The following ISM2 variants were observed in gnomAD, a reference collection of about 807,000 sequenced individuals.
ISM2 encodes the protein isthmin 2.
In ISM2, 50 loss-of-function variants were observed where a neutral mutation model predicts 58.0. The ratio of observed to expected loss-of-function variants is 0.86; its 90% CI spans 0.69 to 1.09. The LOEUF (loss-of-function observed/expected upper bound fraction) is 1.09. Among genes scored for constraint, ISM2 ranks in the 50% least tolerant of loss-of-function variants. The pLI is 0.00. For missense variants in ISM2, 723 were observed against 745.0 expected (o/e 0.97, Z 0.34); for synonymous variants, 303 against 312.4 (o/e 0.97, Z 0.32).
At chr14:77,493,890 G>T (rs2139973188) in intron 1 of ISM2, among the ~76,000 whole-genome samples, 1 of 152,268 alleles carries the variant, frequency 6.6e-6, no homozygotes. Context: ...TCCTGCCTCA[G>T]CCTCCCGAGT....
chr14:77,476,640 C>G (rs2079100340), intron 6 of ISM2, among the ~76,000 whole-genome samples: 1 of 152,204 alleles, frequency 6.6e-6, no homozygotes, highest in South Asian at 2.1e-4. Context: ...CCCATCTCCA[C>G]CTCGGGAAAC....
chr14:77,492,551 G>A (rs2079212652), intron 1 of ISM2, among the ~76,000 whole-genome samples: 1 of 130,302 alleles, frequency 7.7e-6, no homozygotes, highest in Admixed American at 8.7e-5. Flanking sequence ...ACAGGGTCTT[G>A]CTCTGTTGCC....
intron 3 of ISM2, among the ~76,000 whole-genome samples, chr14:77,483,065 AG>A (rs1250815922): frequency 2.0e-5 from 3 of 152,170 alleles, no homozygotes; most frequent in African/African-American, 7.2e-5. Context: ...TCCTCATGGT[AG>A]GGCTGGAAGC....
intron 4 of ISM2, 103 bp from the exon 5 acceptor site, chr14:77,478,818 C>T: frequency 8.5e-7 from 1 of 1,183,300 alleles, no homozygotes; most frequent in Non-Finnish European, 1.2e-6. Flanking sequence ...GCAGCCCATG[C>T]CAGGGCTTCC....
intron 3 of ISM2, among the ~76,000 whole-genome samples, chr14:77,483,615 G>A (rs1376577693): frequency 1.3e-5 from 2 of 151,658 alleles, no homozygotes; most frequent in Non-Finnish European, 2.9e-5. Flanking sequence ...CTGCCTTCCA[G>A]TTTTTTGCGT....
chr14:77,483,809 T>C (rs2079148663), intron 3 of ISM2: 1 of 152,558 alleles, frequency 6.6e-6, no homozygotes. Context: ...GCAGAATTAT[T>C]ATCATGAAGG....
Position 77,475,705 on chromosome 14 carries a change from C to G in ISM2, c.1606G>C (p.Asp536His), listed in dbSNP as rs1206984282. Reference protein sequence around the residue: ...DTTPWILCKGDWSRLHAVLPP... With the variant: ...DTTPWILCKGHWSRLHAVLPP... ...AGCACAGCGTGGAGGCGGCTCCAGT[C>G]CCCCTTGCACAGGATCCAGGGCGTC... Residue 536 changes from aspartate (D) to histidine (H), a missense_variant, in exon 7 of 7, where the codon GAC (aspartate) becomes CAC (histidine). Asp to His is a moderately conservative substitution (Grantham distance 81, BLOSUM62 -1). Transcript: ENST00000342219. The surrounding 1 kb of genome is among the most constrained non-coding windows in gnomAD (Gnocchi z 4.1). 1.9e-6 allele frequency: 3 copies of G among 1,613,984 alleles called. No individual in the cohort carries two copies. In the African/African-American group the frequency reaches 4.0e-5, roughly 22 times the overall value.
chr14:77,482,870 A>T (rs2079141607), intron 3 of ISM2: 2 of 504,600 alleles, frequency 4.0e-6, no homozygotes, highest in Middle Eastern at 5.0e-4. Flanking sequence ...GAGGTGCATT[A>T]GAATCACCTG....
chr14:77,491,689 G>A (rs2079205630), intron 1 of ISM2, among the ~76,000 whole-genome samples: 1 of 137,326 alleles, frequency 7.3e-6, no homozygotes, highest in Non-Finnish European at 1.6e-5. Flanking sequence ...ACCGCGTCTG[G>A]TCTTTTTTTT....
chr14:77,475,924 C>T lies in ISM2; in HGVS notation c.1387G>A (p.Glu463Lys), dbSNP rs754848642. 7 of 1,599,986 alleles carry T rather than the reference C, an allele frequency of 4.4e-6. No individual in the cohort carries two copies. The highest frequency in any genetic ancestry group is 3.3e-5 in the Admixed American group (2 of 59,964). ...FRWRDASGPR[E>K]RLDIYQPTAR... ...GTGGGCTGGTAGATGTCCAGGCGCT[C>T]GCGAGGGCCACTGGCATCCCTCCAC... Residue 463 changes from glutamate to lysine, a missense_variant, in exon 7 of 7, where the codon GAG becomes AAG. Glu to Lys is a moderately conservative substitution (Grantham distance 56). Coordinates refer to ENST00000342219, the MANE Select transcript of ISM2 (RefSeq NM_199296.3). The surrounding 1 kb of genome is among the most constrained non-coding windows in gnomAD (Gnocchi z 4.1).
chr14:77,482,795 T>G (rs2079141042), intron 3 of ISM2, 128 bp from the exon 4 acceptor site: 1 of 616,108 alleles, frequency 1.6e-6, no homozygotes, highest in East Asian at 2.8e-5. Context: ...CTGTCTTCTC[T>G]TGGCTGACAT....
At chr14:77,477,629 C>T (rs985618560) in intron 6 of ISM2, among the ~76,000 whole-genome samples, 5 of 152,238 alleles carry the variant, frequency 3.3e-5, no homozygotes, top group South Asian at 2.1e-4. Flanking sequence ...TCCTTGAGGA[C>T]ATGGACCAAG....
rs542165269 is a variant in ISM2, at chr14:77,479,636, C to A, written c.974-921G>T. ...TGACCTCATGATCCATCTACCTTGG[C>A]CTCCCAAGGTGCTGGGATTACAGGC... is the stretch of plus-strand genomic sequence containing the variant. On this transcript the variant is annotated intron_variant, in intron 4 of 6. Transcript: ENST00000342219. Among the ~76,000 whole-genome samples the A allele has an allele frequency of 5.3e-5, 8 of 152,272 alleles. No homozygotes were observed. In the South Asian group the frequency reaches 1.7e-3, roughly 32 times the overall value.
Position 77,498,764 on chromosome 14 carries a change from G to A in ISM2, c.30C>T (p.Leu10=), listed in dbSNP as rs1338165183. 1.4e-6 allele frequency: 2 copies of A among 1,473,284 alleles called. No homozygotes were observed. The highest frequency in any genetic ancestry group is 8.9e-7 in the Non-Finnish European group (1 of 1,121,120). 91.3% of individuals were successfully genotyped at this position (1,473,284 alleles called of 1,614,324 possible). The part of the protein sequence containing the change: MRALRDRAG[L]LLCVLLLAAL... ...CCGCCAGCAGCAGCACGCAGAGGAG[G>A]AGCCCGGCTCGGTCGCGGAGCGCAC... The change falls in exon 1 of 7, where the codon CTC becomes CTT. Residue 10 remains leucine, a synonymous_variant. Transcript: ENST00000342219.
chr14:77,498,394 G>T (rs2079261442), intron 1 of ISM2: 1 of 1,285,570 alleles, frequency 7.8e-7, no homozygotes, highest in Non-Finnish European at 1.1e-6. Flanking sequence ...ACCTCACTCC[G>T]CACAGAAGTC....
intron 1 of ISM2, among the ~76,000 whole-genome samples, chr14:77,495,771 G>A (rs1228966804): frequency 3.9e-5 from 6 of 152,256 alleles, no homozygotes; most frequent in African/African-American, 9.6e-5. Context: ...CGAGGGTGCC[G>A]AGGCTGAGAA....
At chr14:77,479,596 C>T (rs10431634) in intron 4 of ISM2, among the ~76,000 whole-genome samples, 62,923 of 152,000 alleles carry the variant, frequency 0.41, 15,655 homozygotes, top group East Asian at 0.92. Context: ...GTTGGTCAGG[C>T]TGGTCTCGAA....
At chr14:77,485,969 T>C (rs1410559943) in intron 1 of ISM2, among the ~76,000 whole-genome samples, 3 of 152,264 alleles carry the variant, frequency 2.0e-5, no homozygotes, top group African/African-American at 7.2e-5. Flanking sequence ...GTGAGAATTT[T>C]ATTTATCAAA....
intron 1 of ISM2, among the ~76,000 whole-genome samples, chr14:77,491,458 G>A (rs912083725): frequency 2.0e-5 from 3 of 152,080 alleles, no homozygotes; most frequent in Non-Finnish European, 2.9e-5. Context: ...GCATGACCTC[G>A]GCTCACCGCA....
Sources: allele counts gnomAD v4.1 joint callset (sites outside exome capture counted in the v4.1 genomes callset), GRCh38; gene constraint gnomAD v4.1.1; non-coding constraint Gnocchi (gnomAD v3.1); transcripts MANE v1.5; gene names NCBI Gene and HGNC (gene_info 2026-07-23, HGNC 2026-07-21).